ZGRF1: variants seen among roughly 807,000 people sequenced by gnomAD.
ZGRF1 encodes the protein 5'-3' DNA helicase ZGRF1.
A neutral mutation model predicts 203.5 loss-of-function variants in ZGRF1; 196 were observed. The ratio of observed to expected loss-of-function variants is 0.96; its 90% CI spans 0.86 to 1.08. ZGRF1 has a LOEUF of 1.08. Ranked by LOEUF, ZGRF1 falls within the 50% of genes least tolerant of loss-of-function variation. The pLI, the probability that ZGRF1 is intolerant of heterozygous loss-of-function variation, is 0.00. For synonymous variants in ZGRF1, 809 were observed against 841.3 expected, an observed-to-expected ratio of 0.96 and a Z score of 0.66; for missense variants, 2,326 against 2,416.3, an observed-to-expected ratio of 0.96 and a Z score of 0.78.
In ZGRF1 at chr4:112,619,043, T is replaced by C. The variant is rs146343668; in HGVS notation, c.999A>G (p.Ser333=). The change falls in exon 6 of 28, where the codon TCA becomes TCG. Residue 333 remains serine (S), a synonymous_variant. Coordinates refer to ENST00000505019, the MANE Select transcript of ZGRF1 (RefSeq NM_018392.5). ...NKSRWAMYLS[S]QSSPIHSSTV... ...TAGAAGAATGTATAGGTGAACTCTG[T>C]GAGGATAAATACATGGCCCACCGGC... 2,249 of 1,614,066 alleles carry C rather than the reference T, an allele frequency of 1.4e-3. 3 individuals are homozygous for C. Among genetic ancestry groups the C allele is most frequent in the Admixed American group, 2.5e-3 (148 of 60,022 alleles).
chr4:112,601,271 C>T (rs1012058867), intron 10 of ZGRF1, among the ~76,000 whole-genome samples: 12 of 151,906 alleles, frequency 7.9e-5, no homozygotes, highest in Non-Finnish European at 1.5e-4. Flanking sequence ...GCTGGGCAGC[C>T]GGGAGTAGTG....
intron 10 of ZGRF1, among the ~76,000 whole-genome samples, chr4:112,592,487 TAAATGAAATGGACATATTTCTGTCCTC>T (rs1317414391): frequency 2.0e-5 from 3 of 152,258 alleles, no homozygotes; most frequent in African/African-American, 7.2e-5. Flanking sequence ...TCCAAGTTGC[TAAATGAAATGGACATATTTCTGTCCTC>T]ATTTTATTGG....
chr4:112,541,619 C>A (rs894251025), intron 24 of ZGRF1, among the ~76,000 whole-genome samples: 2 of 151,208 alleles, frequency 1.3e-5, no homozygotes, highest in Non-Finnish European at 2.9e-5. Flanking sequence ...ACCTCCACCT[C>A]CTGGTTTCAA....
At chr4:112,597,389 T>C (rs1171387051) in intron 10 of ZGRF1, among the ~76,000 whole-genome samples, 1 of 151,444 alleles carries the variant, frequency 6.6e-6, no homozygotes, top group Non-Finnish European at 1.5e-5. Context: ...CCAGGTGTGG[T>C]GGTGTGCATC....
At chr4:112,605,829 A>G (rs1670182821) in intron 9 of ZGRF1, 179 bp downstream of exon 9, 1 of 566,424 alleles carries the variant, frequency 1.8e-6, no homozygotes, top group African/African-American at 1.9e-5. Context: ...AAAGTTTAAG[A>G]CCAAAAAGGG....
rs1035304534 is a variant in ZGRF1 at position 112,581,747 on chromosome 4, C to T, written c.4354G>A (p.Val1452Ile). 3 of 1,546,762 alleles carry T rather than the reference C, an allele frequency of 1.9e-6. No homozygotes were observed. In the Admixed American group the frequency reaches 5.9e-5, roughly 31 times the overall value. Residue 1452 changes from valine (V) to isoleucine (I), a missense_variant, in exon 16 of 28, where the codon GTA becomes ATA. Transcript: ENST00000505019. ...GGTTCATTATAAAACTCAGGATTTA[C>T]AGTAGTAAACTTCTTTAGTTTGCCA... ...QYGKLKKFTT[V>I]NPEFYNEPKT...
chr4:112,591,537 A>T (rs1157878448), intron 10 of ZGRF1, among the ~76,000 whole-genome samples: 2 of 152,170 alleles, frequency 1.3e-5, no homozygotes, highest in Non-Finnish European at 2.9e-5. Context: ...AGTCCTATGC[A>T]GCCCTACCTC....
At chr4:112,635,958 G>A (rs1165768396) in intron 1 of ZGRF1, among the ~76,000 whole-genome samples, 1 of 151,470 alleles carries the variant, frequency 6.6e-6, no homozygotes, top group South Asian at 2.1e-4. Flanking sequence ...TTCGATTATA[G>A]GAGAAAACCT....
intron 8 of ZGRF1, among the ~76,000 whole-genome samples, chr4:112,609,146 C>G (rs934717871): frequency 6.6e-6 from 1 of 151,876 alleles, no homozygotes; most frequent in Non-Finnish European, 1.5e-5. Context: ...CTCCGCCTCC[C>G]GGGTTCATGC....
At chr4:112,565,161 C>T in intron 16 of ZGRF1, 2 of 1,477,890 alleles carry the variant, frequency 1.4e-6, no homozygotes, top group Middle Eastern at 1.8e-4. Context: ...ATCAGAAGTC[C>T]ACTGAACTTC....
intron 10 of ZGRF1, among the ~76,000 whole-genome samples, chr4:112,594,278 TCTTA>T (rs1748632300): frequency 6.6e-6 from 1 of 152,310 alleles, no homozygotes; most frequent in South Asian, 2.1e-4. Flanking sequence ...ACTTTTGAAT[TCTTA>T]TTTATTCACA....
chr4:112,584,110 T>C lies in ZGRF1; in HGVS notation c.4166A>G (p.Glu1389Gly). 6.2e-7 allele frequency: 1 copy of C among 1,613,672 alleles called. No individual in the cohort carries two copies. The highest frequency in any genetic ancestry group is 8.5e-7 in the Non-Finnish European group (1 of 1,179,692). The change falls in exon 15 of 28, where the codon GAG (glutamate) becomes GGG (glycine). Residue 1389 changes from glutamate to glycine, a missense_variant. Physicochemically the swap from Glu to Gly is moderately conservative, Grantham distance 98. Coordinates refer to ENST00000505019, the MANE Select transcript of ZGRF1 (RefSeq NM_018392.5). ...TGTTGAATATCCTGGAGTCACGTCCTCAAGCCATTTAAAGAATTTACATCG... is the reference window on the plus strand; with the variant it reads ...TGTTGAATATCCTGGAGTCACGTCCCCAAGCCATTTAAAGAATTTACATCG... ...ADRCKFFKWL[E>G]DVTPGYSTQE...
intron 16 of ZGRF1, among the ~76,000 whole-genome samples, chr4:112,569,558 G>A (rs1036030067): frequency 1.3e-5 from 2 of 152,134 alleles, no homozygotes; most frequent in African/African-American, 4.8e-5. Flanking sequence ...AAAGGGATCA[G>A]GGGAAGAACC....
intron 16 of ZGRF1, among the ~76,000 whole-genome samples, chr4:112,575,486 C>T (rs1215188998): frequency 6.6e-6 from 1 of 152,142 alleles, no homozygotes; most frequent in Non-Finnish European, 1.5e-5. Context: ...GGCATCGCCT[C>T]ACCCGGGAAG....
At position 112,548,387 on chromosome 4, in the gene ZGRF1, T is replaced by A; in HGVS notation, c.5347-7A>T. 1 of 1,543,916 alleles carries A rather than the reference T, an allele frequency of 6.5e-7. No individual in the cohort carries two copies. The highest frequency in any genetic ancestry group is 8.8e-7 in the Non-Finnish European group (1 of 1,142,704). On this transcript the variant is annotated splice_region_variant and splice_polypyrimidine_tract_variant and intron_variant, in intron 22 of 27. Transcript: ENST00000505019. ...TAACTCCAACTACTCGAACCTTTAT[T>A]ACAACAAAAATGTTATTAATTAACA...
chr4:112,600,833 C>A (rs1749836334), intron 10 of ZGRF1, among the ~76,000 whole-genome samples: 1 of 152,154 alleles, frequency 6.6e-6, no homozygotes, highest in African/African-American at 2.4e-5. Flanking sequence ...CTTTTGACCT[C>A]CACATTCTCA....
In ZGRF1 at chr4:112,587,551, T is replaced by C. The variant is rs201193855; in HGVS notation, c.3506A>G (p.Asp1169Gly). 3.1e-4 allele frequency: 500 copies of C among 1,613,780 alleles called. 1 individual carries two copies. Among genetic ancestry groups the C allele is most frequent in the Non-Finnish European group, 3.8e-4 (448 of 1,179,860 alleles). The change falls in exon 12 of 28, where the codon GAT (aspartate) becomes GGT (glycine). Residue 1169 changes from aspartate to glycine, a missense_variant. Transcript: ENST00000505019. ...AGAAACAGCCTCAGCAAAGAAGCCATCAGTTATTCTCTTATCAACTCTGTT... is the reference window on the plus strand; with the variant it reads ...AGAAACAGCCTCAGCAAAGAAGCCACCAGTTATTCTCTTATCAACTCTGTT... The part of the protein sequence containing the change: ...TPNRVDKRIT[D>G]GFFAEAVSGM...
intron 19 of ZGRF1, among the ~76,000 whole-genome samples, chr4:112,559,110 G>A (rs1403783438): frequency 1.3e-5 from 2 of 152,208 alleles, no homozygotes; most frequent in African/African-American, 4.8e-5. Context: ...AATCACAAAA[G>A]CTCTGTTTGC....
intron 16 of ZGRF1, among the ~76,000 whole-genome samples, chr4:112,572,628 G>A (rs563776762): frequency 6.6e-6 from 1 of 152,188 alleles, no homozygotes; most frequent in East Asian, 1.9e-4. Flanking sequence ...CCACAGAGTG[G>A]GAGAAAATAT....
Sources: gnomAD v4.1 joint callset for allele counts (sites outside exome capture counted in the v4.1 genomes callset) on GRCh38, gnomAD v4.1.1 for gene constraint, MANE v1.5 for transcripts, NCBI Gene and HGNC (gene_info 2026-07-23, HGNC 2026-07-21) for gene names.